TGIF1: variants seen among roughly 807,000 people sequenced by gnomAD.
TGIF1 encodes the protein homeobox protein TGIF1.
In TGIF1, 4 loss-of-function variants were observed where a neutral mutation model predicts 19.3. The observed-to-expected ratio is 0.21, with a 90% CI of 0.10 to 0.47. TGIF1 has a LOEUF of 0.47. Among genes scored for constraint, TGIF1 ranks in the 20% least tolerant of loss-of-function variants. The probability of loss-of-function intolerance (pLI) is 0.98; values close to 1 mark genes in which losing one functional copy is unlikely to be tolerated. For synonymous variants in TGIF1, 122 were observed against 129.3 expected (o/e 0.94, Z 0.38); for missense variants, 275 against 341.4 (o/e 0.81, Z 1.53).
intron 2 of TGIF1, among the ~76,000 whole-genome samples, chr18:3,428,399 C>T (rs1234648271): frequency 1.3e-5 from 2 of 152,134 alleles, no homozygotes; most frequent in East Asian, 1.9e-4. Flanking sequence ...TTTTCATGAA[C>T]ATCATTTTTA....
chr18:3,431,970 A>G (rs1456083768), intron 2 of TGIF1, among the ~76,000 whole-genome samples: 1 of 152,050 alleles, frequency 6.6e-6, no homozygotes, highest in Non-Finnish European at 1.5e-5. Context: ...CTCTACTAAA[A>G]TACAAAAATT....
Position 3,450,628 on chromosome 18 carries a change from C to G in TGIF1, c.16+123C>G. 3 of 1,528,946 alleles carry G rather than the reference C, an allele frequency of 2.0e-6. No individual in the cohort carries two copies. In the Admixed American group the frequency reaches 5.9e-5, roughly 30 times the overall value. 94.7% of individuals were successfully genotyped at this position (1,528,946 alleles called of 1,614,324 possible). A position where few individuals can be genotyped will look rare whatever the true frequency, so the allele number is the denominator to read the frequency against. ...CCCAGGGGCTCTCATGCTGGAGTGG[C>G]GGCCGTGCTCTTTGTTGAGGCTGCG... On this transcript the variant is annotated intron_variant, in intron 1 of 2. Transcript: ENST00000343820.
intron 2 of TGIF1, among the ~76,000 whole-genome samples, chr18:3,434,365 C>T (rs149642219): frequency 1.4e-4 from 21 of 152,054 alleles, no homozygotes; most frequent in African/African-American, 3.4e-4. Flanking sequence ...GTAGAAACCC[C>T]GTCTCTACTA....
chr18:3,423,576 G>A (rs2082434313), intron 2 of TGIF1, among the ~76,000 whole-genome samples: 1 of 152,070 alleles, frequency 6.6e-6, no homozygotes, highest in South Asian at 2.1e-4. Flanking sequence ...AGCTACTCAG[G>A]AGCTACTGAG....
Position 3,458,807 on chromosome 18 carries a change from C to T in TGIF1, c.*867C>T, listed in dbSNP as rs2049443714. 1 of 152,180 alleles carries T rather than the reference C, an allele frequency of 6.6e-6. No homozygotes were observed. Among genetic ancestry groups the T allele is most frequent in the Non-Finnish European group, 1.5e-5 (1 of 68,036 alleles). 9.4% of individuals were successfully genotyped at this position (152,180 alleles called of 1,614,324 possible). ...CAAGCAATCTCTTGCCCTTTTTCCA[C>T]GTTACCCTTTAAAATAACCTTTGTT... is the stretch of plus-strand genomic sequence containing the variant. On this transcript the variant is annotated 3_prime_UTR_variant, in exon 3 of 3. Transcript: ENST00000343820.
chr18:3,438,700 C>T (rs1229629900), intron 2 of TGIF1, among the ~76,000 whole-genome samples: 1 of 151,200 alleles, frequency 6.6e-6, no homozygotes, highest in Non-Finnish European at 1.5e-5. Context: ...AAACAATGTT[C>T]CTGGAGATCT....
chr18:3,459,541 C>T lies in TGIF1; in HGVS notation c.*1601C>T, dbSNP rs2049459285. On this transcript the variant is annotated 3_prime_UTR_variant, in exon 3 of 3. Coordinates refer to ENST00000343820, the MANE Select transcript of TGIF1 (RefSeq NM_003244.4). ...GTACTAGTAAAGTAAATACAAGGAA[C>T]AAAATAAACATTAATAAAAATGAAT... The T allele has an allele frequency of 6.6e-6, 1 of 152,048 alleles. No individual in the cohort carries two copies. The allele number at this position is 152,048 out of a possible 1,614,324, so 9.4% of individuals were successfully genotyped here.
intron 1 of TGIF1, among the ~76,000 whole-genome samples, chr18:3,412,694 T>C (rs2082286125): frequency 6.6e-6 from 1 of 152,224 alleles, no homozygotes; most frequent in South Asian, 2.1e-4. Flanking sequence ...GTTCCTTATA[T>C]CGAGTGGCAT....
intron 2 of TGIF1, among the ~76,000 whole-genome samples, chr18:3,434,629 C>T (rs909824101): frequency 3.9e-5 from 6 of 152,196 alleles, no homozygotes; most frequent in Non-Finnish European, 7.3e-5. Context: ...GCAGGAGAAT[C>T]GCTTGAACCC....
chr18:3,423,624 A>G (rs957172813), intron 2 of TGIF1, among the ~76,000 whole-genome samples: 1 of 152,106 alleles, frequency 6.6e-6, no homozygotes, highest in Non-Finnish European at 1.5e-5. Context: ...CGGAGCTTGC[A>G]GTGAGCAGAG....
rs1481496826 is a variant in TGIF1 at position 3,422,673 on chromosome 18, C to CTTTTTTGTTT, written c.-45+4464_-45+4465insGTTTTTTTTT. 4.5e-4 allele frequency among the ~76,000 whole-genome samples: 11 copies of CTTTTTTGTTT among 24,658 alleles called. 1 individual carries two copies. Among genetic ancestry groups the CTTTTTTGTTT allele is most frequent in the Non-Finnish European group, 1.8e-3 (11 of 6,138 alleles). The allele number at this position is 24,658 out of a possible 152,430, so 16.2% of individuals were successfully genotyped here. ...ATGTTAAGTGCCCTATATAGGTGGC[C>CTTTTTTGTTT]TTTTTTTTTTTTTTTTTTTTTTTTT... is the stretch of plus-strand genomic sequence containing the variant. On this transcript the variant is annotated intron_variant, in intron 2 of 3. Coordinates refer to the TGIF1 transcript ENST00000401449.
At chr18:3,433,677 A>AT (rs1370486341) in intron 2 of TGIF1, among the ~76,000 whole-genome samples, 2 of 152,060 alleles carry the variant, frequency 1.3e-5, no homozygotes, top group African/African-American at 4.8e-5. Flanking sequence ...TAAAGAGGTT[A>AT]TTTTTTATTT....
chr18:3,449,488 G>A, upstream of TGIF1: 1 of 985,486 alleles, frequency 1.0e-6, no homozygotes, highest in South Asian at 4.7e-5. Context: ...TCCGGAACTC[G>A]CAGCTTTAGC....
At chr18:3,423,549 C>T (rs570606098) in intron 2 of TGIF1, among the ~76,000 whole-genome samples, 43 of 152,068 alleles carry the variant, frequency 2.8e-4, no homozygotes, top group Non-Finnish European at 4.7e-4. Flanking sequence ...GGCTTGGTGT[C>T]GGGCGCCTGT....
chr18:3,430,601 C>T (rs1159479434), intron 2 of TGIF1, among the ~76,000 whole-genome samples: 3 of 151,990 alleles, frequency 2.0e-5, no homozygotes, highest in African/African-American at 7.2e-5. Flanking sequence ...CTGACACAGG[C>T]TCAAGCAATC....
chr18:3,441,943 C>T (rs2082681477), intron 2 of TGIF1, among the ~76,000 whole-genome samples: 1 of 152,010 alleles, frequency 6.6e-6, no homozygotes, highest in African/African-American at 2.4e-5. Context: ...CAGCTCTTCT[C>T]TTTCAGAATT....
intron 1 of TGIF1, chr18:3,415,184 G>A: frequency 5.2e-6 from 1 of 192,940 alleles, no homozygotes; most frequent in Admixed American, 5.0e-5. Flanking sequence ...GGAGCTCATT[G>A]CTCTCATCCT....
intron 2 of TGIF1, among the ~76,000 whole-genome samples, chr18:3,430,075 G>C: frequency 6.6e-6 from 1 of 152,348 alleles, no homozygotes; most frequent in East Asian, 1.9e-4. Context: ...AGAATTGCTT[G>C]AAATTGGGAG....
intron 2 of TGIF1, among the ~76,000 whole-genome samples, chr18:3,434,501 A>G (rs575339214): frequency 1.3e-5 from 2 of 152,202 alleles, no homozygotes; most frequent in East Asian, 3.9e-4. Flanking sequence ...ATGCCATTGC[A>G]CTCCAGCCTG....
Sources: allele counts gnomAD v4.1 joint callset (sites outside exome capture counted in the v4.1 genomes callset), GRCh38; gene constraint gnomAD v4.1.1; transcripts MANE v1.5; gene names NCBI Gene and HGNC (gene_info 2026-07-23, HGNC 2026-07-21).